The following NKAIN3 variants were observed in gnomAD, a reference collection of about 807,000 sequenced individuals.
The protein encoded by NKAIN3 is sodium/potassium transporting ATPase interacting 3.
Under a neutral mutation model 30.2 loss-of-function variants are expected in NKAIN3, and 25 were observed. That is an observed-to-expected ratio of 0.83 (90% CI 0.60 to 1.16). The LOEUF is 1.16. Among genes scored for constraint, NKAIN3 ranks in the 50% most tolerant of loss-of-function variants. NKAIN3 has a pLI of 0.00. For synonymous variants in NKAIN3, 91 were observed against 89.6 expected (o/e 1.02, Z -0.09); for missense variants, 225 against 254.1 (o/e 0.89, Z 0.78).
intron 1 of NKAIN3, among the ~76,000 whole-genome samples, chr8:62,577,881 G>A (rs182830806): frequency 1.3e-5 from 2 of 151,926 alleles, no homozygotes; most frequent in Non-Finnish European, 2.9e-5. Flanking sequence ...TTTAGGCTTC[G>A]CTCTCTTCTC....
intron 4 of NKAIN3, among the ~76,000 whole-genome samples, chr8:62,824,118 A>T (rs1818942870): frequency 6.6e-6 from 1 of 152,180 alleles, no homozygotes; most frequent in African/African-American, 2.4e-5. Context: ...TTGAGATTTT[A>T]TACCCCTGCA....
At chr8:62,306,259 G>A (rs1814236609) in intron 1 of NKAIN3, among the ~76,000 whole-genome samples, 1 of 149,882 alleles carries the variant, frequency 6.7e-6, no homozygotes, top group South Asian at 2.1e-4. Flanking sequence ...TTTTATCATT[G>A]CTTGTCAAGG....
chr8:62,585,528 G>A (rs1810441893), intron 2 of NKAIN3, among the ~76,000 whole-genome samples: 1 of 152,076 alleles, frequency 6.6e-6, no homozygotes, highest in South Asian at 2.1e-4. Context: ...CCAGAGGTTG[G>A]GCGAGTTGGT....
At chr8:62,286,625 T>C (rs538704416) in intron 1 of NKAIN3, among the ~76,000 whole-genome samples, 12 of 152,256 alleles carry the variant, frequency 7.9e-5, no homozygotes, top group African/African-American at 2.9e-4. Flanking sequence ...CAGTTTGTGA[T>C]TCCTTAACAA....
chr8:62,476,238 A>G (rs1011078523), intron 1 of NKAIN3, among the ~76,000 whole-genome samples: 1 of 152,204 alleles, frequency 6.6e-6, no homozygotes, highest in Non-Finnish European at 1.5e-5. Flanking sequence ...AAATAGATAT[A>G]TAAAAGCACA....
intron 3 of NKAIN3, among the ~76,000 whole-genome samples, chr8:62,658,506 T>C (rs1812835077): frequency 1.3e-5 from 2 of 152,202 alleles, no homozygotes; most frequent in South Asian, 4.1e-4. Context: ...AAATGCGGTA[T>C]ACCCATTCAT....
chr8:62,858,392 G>A (rs991705890), intron 4 of NKAIN3, among the ~76,000 whole-genome samples: 1 of 152,186 alleles, frequency 6.6e-6, no homozygotes, highest in Non-Finnish European at 1.5e-5. Flanking sequence ...CAGCATGCGT[G>A]TTGGGGATCT....
In NKAIN3 at chr8:62,623,888, G is replaced by C. The variant is rs142046258; in HGVS notation, c.273+34094G>C. On this transcript the variant is annotated intron_variant, in intron 3 of 6. Coordinates refer to ENST00000623646, the MANE Select transcript of NKAIN3 (RefSeq NM_001304533.3). ...AAAAGAATGGCCACAGCAGCAGTGT[G>C]AGTTACTCAACTGATTATACTTATA... Among the ~76,000 whole-genome samples, 452 of 152,108 alleles carry C rather than the reference G, an allele frequency of 3.0e-3. 4 individuals carry two copies. The highest frequency in any genetic ancestry group is 0.01 in the African/African-American group (431 of 41,520).
intron 1 of NKAIN3, among the ~76,000 whole-genome samples, chr8:62,443,337 T>C (rs11997393): frequency 0.1 from 15,774 of 152,092 alleles, 1,160 homozygotes; most frequent in African/African-American, 0.2. Context: ...CATTGCTGCT[T>C]TCAATTTACT....
At chr8:62,430,915 T>C (rs1220176355) in intron 1 of NKAIN3, among the ~76,000 whole-genome samples, 1 of 151,882 alleles carries the variant, frequency 6.6e-6, no homozygotes, top group Non-Finnish European at 1.5e-5. Context: ...ATTAGTAAGC[T>C]TCTTTTAGAC....
In NKAIN3 at chr8:62,807,556, GT is replaced by G. The variant is rs11482643; in HGVS notation, c.471+60442del. ...ATCTTTCAATAGTTATTCTTTTCTG[GT>G]TTTTTTTTTTTTTTGAGACAATGTC... On this transcript the variant is annotated intron_variant, in intron 4 of 6. Transcript: ENST00000623646. 7.0e-3 allele frequency among the ~76,000 whole-genome samples: 936 copies of G among 134,262 alleles called. 12 individuals are homozygous for G. The highest frequency in any genetic ancestry group is 0.069 in the East Asian group (322 of 4,652). The allele number at this position is 134,262 out of a possible 152,430, so 88.1% of individuals were successfully genotyped here.
chr8:62,400,164 T>C (rs1817889769), intron 1 of NKAIN3, among the ~76,000 whole-genome samples: 1 of 112,606 alleles, frequency 8.9e-6, no homozygotes. Context: ...CTATATTTTC[T>C]TTTTTTTTTT....
intron 1 of NKAIN3, among the ~76,000 whole-genome samples, chr8:62,399,285 C>T (rs1397477531): frequency 6.6e-6 from 1 of 152,014 alleles, no homozygotes; most frequent in Non-Finnish European, 1.5e-5. Flanking sequence ...GCGGGTAGAT[C>T]GCTTGAGATC....
intron 1 of NKAIN3, among the ~76,000 whole-genome samples, chr8:62,430,051 A>G (rs953441899): frequency 1.3e-5 from 2 of 151,754 alleles, no homozygotes; most frequent in Admixed American, 1.3e-4. Flanking sequence ...TGTGATTTTC[A>G]TTATGATTTT....
Position 62,965,828 on chromosome 8 carries a change from T to C in NKAIN3, c.*421T>C, listed in dbSNP as rs1489867453. ...CTGATGAATTTGTTTTAGCAGACAT[T>C]ACCTGTGGTTATCAGCCACCAAGGT... On this transcript the variant is annotated 3_prime_UTR_variant, in exon 7 of 7. Transcript: ENST00000623646. 1 of 985,020 alleles carries C rather than the reference T, an allele frequency of 1.0e-6. No individual in the cohort carries two copies. The highest frequency in any genetic ancestry group is 1.1e-4 in the East Asian group (1 of 8,824). The allele number at this position is 985,020 out of a possible 1,614,324, so 61.0% of individuals were successfully genotyped here. A position where few individuals can be genotyped will look rare whatever the true frequency, so the allele number is the denominator to read the frequency against.
chr8:62,320,013 C>T (rs1390897574), intron 1 of NKAIN3, among the ~76,000 whole-genome samples: 1 of 152,044 alleles, frequency 6.6e-6, no homozygotes, highest in Non-Finnish European at 1.5e-5. Flanking sequence ...AATCTGGGTG[C>T]TCCTGTATTG....
chr8:62,909,693 A>G lies in NKAIN3; in HGVS notation c.472-8760A>G, dbSNP rs923156311. 3.2e-5 allele frequency among the ~76,000 whole-genome samples: 4 copies of G among 125,592 alleles called. No individual in the cohort carries two copies. In the Admixed American group the frequency reaches 3.5e-4, roughly 11 times the overall value. 82.4% of individuals were successfully genotyped at this position (125,592 alleles called of 152,430 possible). A position where few individuals can be genotyped will look rare whatever the true frequency, so the allele number is the denominator to read the frequency against. On this transcript the variant is annotated intron_variant, in intron 4 of 6. Transcript: ENST00000623646. ...TAATTAAGCAGCAGTTTGGTTAATC[A>G]CAATAGCAAAAGTAATTTTTGGAGT...
chr8:62,966,389 A>C lies in NKAIN3; in HGVS notation c.*982A>C. 1 of 984,710 alleles carries C rather than the reference A, an allele frequency of 1.0e-6. No homozygotes were observed. The highest frequency in any genetic ancestry group is 1.2e-6 in the Non-Finnish European group (1 of 829,292). 61.0% of individuals were successfully genotyped at this position (984,710 alleles called of 1,614,324 possible). A position where few individuals can be genotyped will look rare whatever the true frequency, so the allele number is the denominator to read the frequency against. On this transcript the variant is annotated 3_prime_UTR_variant, in exon 7 of 7. Transcript: ENST00000623646. Reference sequence around the variant, plus strand: ...TGATATGGGAAGCAATTATCTGTGGAAAAAAGGACTGTCTTGAAAACGCAT... The same window carrying C: ...TGATATGGGAAGCAATTATCTGTGGCAAAAAGGACTGTCTTGAAAACGCAT...
intron 3 of NKAIN3, among the ~76,000 whole-genome samples, chr8:62,648,152 C>T (rs1438211814): frequency 6.6e-6 from 1 of 152,012 alleles, no homozygotes; most frequent in Non-Finnish European, 1.5e-5. Flanking sequence ...ACGTTTTGGG[C>T]AAAATGGGTT....
Sources: gnomAD v4.1 joint callset for allele counts (sites outside exome capture counted in the v4.1 genomes callset) on GRCh38, gnomAD v4.1.1 for gene constraint, MANE v1.5 for transcripts, NCBI Gene and HGNC (gene_info 2026-07-23, HGNC 2026-07-21) for gene names.